GARIN5B: variants seen among roughly 807,000 people sequenced by gnomAD.
The protein encoded by GARIN5B is golgi associated RAB2 interactor family member 5B.
the GARIN5B span, chr19:55,359,329 A>G: frequency 7.6e-7 from 1 of 1,313,178 alleles, no homozygotes; most frequent in Non-Finnish European, 1.0e-6. Flanking sequence ...GGGGAATGGT[A>G]GGTACAGATG....
chr19:55,360,839 TG>T, the GARIN5B span: 1 of 1,548,798 alleles, frequency 6.5e-7, no homozygotes, highest in Non-Finnish European at 8.7e-7. Flanking sequence ...AGGGGTGGGG[TG>T]GGTTGATCTT....
At chr19:55,355,457 C>G in the GARIN5B span, 1 of 1,120,212 alleles carries the variant, frequency 8.9e-7, no homozygotes, top group Non-Finnish European at 1.3e-6. Flanking sequence ...TCCCCCAGGG[C>G]GGGTCTTGCT....
At chr19:55,362,124 C>A in the GARIN5B span, 1 of 1,326,974 alleles carries the variant, frequency 7.5e-7, no homozygotes, top group Non-Finnish European at 9.9e-7. Flanking sequence ...CCCCTCCTCC[C>A]TCTACTCAGG....
chr19:55,360,475 TA>T, the GARIN5B span, among the ~76,000 whole-genome samples: 7 of 62,986 alleles, frequency 1.1e-4, no homozygotes, highest in East Asian at 5.3e-4. Context: ...CCCTCAGATC[TA>T]GGAGTCCAGG....
chr19:55,357,786 G>C, the GARIN5B span, among the ~76,000 whole-genome samples: 4 of 152,254 alleles, frequency 2.6e-5, no homozygotes, highest in East Asian at 7.7e-4. Context: ...AGGCGTGGTG[G>C]CTCACGCCTG....
At chr19:55,362,247 G>A in the GARIN5B span, 1 of 1,530,292 alleles carries the variant, frequency 6.5e-7, no homozygotes, top group South Asian at 1.2e-5. Flanking sequence ...GATCCCACCT[G>A]CAGGTGCCAG....
the GARIN5B span, chr19:55,358,386 G>T: frequency 2.7e-6 from 4 of 1,508,158 alleles, no homozygotes; most frequent in Non-Finnish European, 3.6e-6. Flanking sequence ...GGCGATGGCC[G>T]TAAGTCCTCC....
chr19:55,357,178 T>C, the GARIN5B span, among the ~76,000 whole-genome samples: 1 of 152,206 alleles, frequency 6.6e-6, no homozygotes, highest in African/African-American at 2.4e-5. Flanking sequence ...CAGCCTGTTA[T>C]GGACATTTCA....
chr19:55,358,258 C>T, the GARIN5B span: 1 of 1,551,008 alleles, frequency 6.4e-7, no homozygotes, highest in African/African-American at 1.4e-5. Flanking sequence ...CTGAAGACGA[C>T]CCCACAGTGG....
At chr19:55,355,392 G>A in the GARIN5B span, 2 of 1,541,262 alleles carry the variant, frequency 1.3e-6, no homozygotes, top group Non-Finnish European at 8.8e-7. Flanking sequence ...GACAGGGTAG[G>A]GAGAGAGGGG....
At chr19:55,359,507 G>A in the GARIN5B span, 1 of 1,551,060 alleles carries the variant, frequency 6.4e-7, no homozygotes, top group Non-Finnish European at 8.7e-7. Flanking sequence ...AGCAGGTACA[G>A]CTGGGGCCTT....
At chr19:55,359,514 C>A in the GARIN5B span, 19 of 1,550,898 alleles carry the variant, frequency 1.2e-5, no homozygotes, top group Non-Finnish European at 1.6e-5. Context: ...ACAGCTGGGG[C>A]CTTCCGGGGA....
chr19:55,357,825 G>A, the GARIN5B span, among the ~76,000 whole-genome samples: 6 of 152,224 alleles, frequency 3.9e-5, no homozygotes, highest in South Asian at 4.1e-4. Flanking sequence ...AGGCCGAGGC[G>A]GGTGGATCAC....
the GARIN5B span, among the ~76,000 whole-genome samples, chr19:55,360,219 T>C: frequency 1.1e-4 from 9 of 80,798 alleles, no homozygotes; most frequent in East Asian, 2.4e-3. Flanking sequence ...TCCCTCAGAC[T>C]CAGGAGTCCA....
chr19:55,357,708 T>C, the GARIN5B span, among the ~76,000 whole-genome samples: 3 of 152,134 alleles, frequency 2.0e-5, no homozygotes, highest in African/African-American at 7.2e-5. Flanking sequence ...GGACACTGTA[T>C]CCCCACTGCC....
the GARIN5B span, among the ~76,000 whole-genome samples, chr19:55,356,312 C>A: frequency 2.0e-5 from 3 of 151,888 alleles, no homozygotes; most frequent in Non-Finnish European, 2.9e-5. Context: ...CCAGTTCAAC[C>A]AGTCCTCACA....
chr19:55,360,616 A>G, the GARIN5B span: 1 of 1,489,154 alleles, frequency 6.7e-7, no homozygotes, highest in East Asian at 2.5e-5. Flanking sequence ...CTCCTCCCTC[A>G]GACCCAGGAG....
At chr19:55,355,100 G>A in the GARIN5B span, 1 of 390,126 alleles carries the variant, frequency 2.6e-6, no homozygotes, top group Non-Finnish European at 4.9e-6. Context: ...CGGGGCCTGT[G>A]GGGTTAAGAG....
the GARIN5B span, among the ~76,000 whole-genome samples, chr19:55,357,319 C>T: frequency 2.5e-4 from 38 of 152,276 alleles, no homozygotes; most frequent in African/African-American, 7.9e-4. Context: ...TGCTCCAAAC[C>T]CTCCAGCTCG....
Sources: allele counts gnomAD v4.1 joint callset (sites outside exome capture counted in the v4.1 genomes callset), GRCh38; gene constraint gnomAD v4.1.1; transcripts MANE v1.5; gene names NCBI Gene and HGNC (gene_info 2026-07-23, HGNC 2026-07-21).